The following USP54 variants were observed in gnomAD, a reference collection of about 807,000 sequenced individuals.
USP54 encodes the protein ubiquitin specific peptidase 54.
A neutral mutation model predicts 170.5 loss-of-function variants in USP54; 87 were observed. The ratio of observed to expected loss-of-function variants is 0.51; its 90% confidence interval spans 0.43 to 0.61. USP54 has a LOEUF of 0.61. Among genes scored for constraint, USP54 ranks in the 20% least tolerant of loss-of-function variants. The pLI is 0.00. For synonymous variants in USP54, 655 were observed against 742.8 expected, an observed-to-expected ratio of 0.88 and a Z score of 1.92; for missense variants, 1,786 against 2,047.8, an observed-to-expected ratio of 0.87 and a Z score of 2.47.
chr10:73,507,923 G>A (rs1182428181), intron 20 of USP54, among the ~76,000 whole-genome samples: 1 of 151,520 alleles, frequency 6.6e-6, no homozygotes, highest in African/African-American at 2.4e-5. Flanking sequence ...CCTGGAAGGT[G>A]GAAGCTGCAG....
intron 18 of USP54, 159 bp from the exon 19 acceptor site, chr10:73,520,151 C>T: frequency 2.0e-6 from 2 of 1,021,884 alleles, no homozygotes; most frequent in Non-Finnish European, 1.4e-6. Context: ...CCAGGGCACA[C>T]AGCTGCCTCT....
chr10:73,536,578 T>A (rs1326177904), intron 10 of USP54, 141 bp from the exon 11 acceptor site: 1 of 960,416 alleles, frequency 1.0e-6, no homozygotes, highest in African/African-American at 1.7e-5. Context: ...AAAAAAGATC[T>A]CAGACCTAAC....
chr10:73,532,335 G>C (rs554979452), intron 12 of USP54, among the ~76,000 whole-genome samples: 9 of 152,086 alleles, frequency 5.9e-5, no homozygotes, highest in African/African-American at 2.2e-4. Context: ...ACCACACCCA[G>C]CTAACTTTTT....
At chr10:73,577,524 G>A (rs2076281949) in intron 1 of USP54, among the ~76,000 whole-genome samples, 3 of 152,006 alleles carry the variant, frequency 2.0e-5, no homozygotes, top group Admixed American at 2.0e-4. Context: ...TACATGAAAT[G>A]AAATAGTAGC....
At chr10:73,592,287 G>T (rs11000718), upstream of USP54, among the ~76,000 whole-genome samples, 2,513 of 152,150 alleles carry the variant, frequency 0.017, 41 homozygotes, top group Non-Finnish European at 0.026. Flanking sequence ...TGCCAAATAT[G>T]AAGGTCTGTT....
At chr10:73,572,921 T>G (rs1248785788) in intron 3 of USP54, among the ~76,000 whole-genome samples, 1 of 152,112 alleles carries the variant, frequency 6.6e-6, no homozygotes, top group African/African-American at 2.4e-5. Context: ...ACAAACACAT[T>G]TATATCAATG....
At chr10:73,523,027 A>G (rs2062158352) in intron 17 of USP54, among the ~76,000 whole-genome samples, 1 of 152,222 alleles carries the variant, frequency 6.6e-6, no homozygotes, top group African/African-American at 2.4e-5. Context: ...CTCTTTTGGT[A>G]CAAAGTGACA....
At chr10:73,529,482 A>G in intron 15 of USP54, 198 bp downstream of exon 15, 1 of 661,876 alleles carries the variant, frequency 1.5e-6, no homozygotes. Context: ...CTGTATTTCA[A>G]ATAGAAAGTT....
chr10:73,580,946 T>C (rs1353000778), intron 1 of USP54, among the ~76,000 whole-genome samples: 3 of 152,214 alleles, frequency 2.0e-5, no homozygotes, highest in Admixed American at 2.0e-4. Context: ...CTATATCGTA[T>C]AGTCTAGGTG....
At chr10:73,569,384 G>A (rs561275781) in intron 4 of USP54, among the ~76,000 whole-genome samples, 4 of 152,266 alleles carry the variant, frequency 2.6e-5, no homozygotes, top group South Asian at 4.1e-4. Flanking sequence ...AATGGGCACA[G>A]TAAGAAATGT....
intron 4 of USP54, among the ~76,000 whole-genome samples, chr10:73,552,725 A>T (rs1461791789): frequency 6.6e-6 from 1 of 152,204 alleles, no homozygotes. Context: ...CGGGAGGTGG[A>T]GGCTGCAGTA....
At chr10:73,537,752 T>TGA (rs1273095574) in intron 10 of USP54, 1 of 129,984 alleles carries the variant, frequency 7.7e-6, no homozygotes, top group Non-Finnish European at 1.7e-5. Context: ...ACACACACAT[T>TGA]AAAAAAAAAA....
At chr10:73,502,017 T>A (rs2058231917) in intron 22 of USP54, among the ~76,000 whole-genome samples, 1 of 152,258 alleles carries the variant, frequency 6.6e-6, no homozygotes, top group Non-Finnish European at 1.5e-5. Flanking sequence ...TTATGTCATT[T>A]ATTTGTTTAT....
Position 73,545,674 on chromosome 10 carries a change from T to C in USP54, c.241-2A>G. Reference sequence around the variant, plus strand: ...ACACTGAAACTGGTTAAAGATTCCCTATAGGGAAGAGGTTAGACAAGAGAA... The same window carrying C: ...ACACTGAAACTGGTTAAAGATTCCCCATAGGGAAGAGGTTAGACAAGAGAA... On this transcript the variant is annotated splice_acceptor_variant, in intron 4 of 23. Transcript: ENST00000687698. LOFTEE classifies it high-confidence loss of function. 1 of 1,614,032 alleles carries C rather than the reference T, an allele frequency of 6.2e-7. No individual in the cohort carries two copies.
In USP54 at chr10:73,543,081, C is replaced by G; in HGVS notation, c.426G>C (p.Glu142Asp). The change falls in exon 6 of 24, where the codon GAG becomes GAC. Residue 142 changes from glutamate (E) to aspartate (D), a missense_variant. Around this residue, in one of 3 missense-constraint regions of USP54, gnomAD observed 361 missense variants for 455.0 expected, o/e 0.79. Coordinates refer to ENST00000687698, the MANE Select transcript of USP54 (RefSeq NM_001391956.1). ...IHFHIADETK[E>D]DICTAQHCIS... ...TGCAGTGTTGGGCAGTACATATATC[C>G]TCTTTGGTTTCATCAGCAATGTGGA... The G allele has an allele frequency of 6.2e-7, 1 of 1,614,144 alleles. No homozygotes were observed. The highest frequency in any genetic ancestry group is 8.5e-7 in the Non-Finnish European group (1 of 1,180,026).
At chr10:73,615,563 A>G (rs2080552846) in intron 1 of USP54, among the ~76,000 whole-genome samples, 1 of 150,384 alleles carries the variant, frequency 6.6e-6, no homozygotes, top group South Asian at 2.1e-4. Flanking sequence ...GCCCATATCA[A>G]AACATCTCAT....
chr10:73,594,255 G>T (rs1263278602), upstream of USP54, among the ~76,000 whole-genome samples: 1 of 152,014 alleles, frequency 6.6e-6, no homozygotes, highest in African/African-American at 2.4e-5. Flanking sequence ...ATTTTTAGTA[G>T]AGATGGGGCT....
rs772799007 is a variant in USP54, at chr10:73,523,725, T to G, written c.2220A>C (p.Glu740Asp). ...CCACCTCTTCCTGCAATTCATCCAG[T>G]TCACTTTTAGAAGATATCTCCTCAC... The part of the protein sequence containing the change: ...FSGEEISSKS[E>D]LDELQEEVAR... The change falls in exon 17 of 24, where the codon GAA becomes GAC. Residue 740 changes from glutamate to aspartate, a missense_variant. This residue lies in a region of USP54 where 1,418 missense variants were observed against 1,569.0 expected (regional missense o/e 0.90). Transcript: ENST00000687698. 3.1e-6 allele frequency: 5 copies of G among 1,613,798 alleles called. No homozygotes were observed. The highest frequency in any genetic ancestry group is 3.4e-6 in the Non-Finnish European group (4 of 1,179,810).
chr10:73,609,111 C>T (rs976171849), intron 1 of USP54, among the ~76,000 whole-genome samples: 3 of 152,144 alleles, frequency 2.0e-5, no homozygotes, highest in African/African-American at 4.8e-5. Context: ...AATGATATTG[C>T]GTCTCCCTGG....
Sources: allele counts gnomAD v4.1 joint callset (sites outside exome capture counted in the v4.1 genomes callset), GRCh38; gene constraint gnomAD v4.1.1; regional missense constraint gnomAD v4.1.1; transcripts MANE v1.5; gene names NCBI Gene and HGNC (gene_info 2026-07-23, HGNC 2026-07-21).